Variants in DNM3 observed in about 807,000 individuals in gnomAD.
The protein encoded by DNM3 is dynamin-3.
In DNM3, 47 loss-of-function variants were observed where a neutral mutation model predicts 101.6. The ratio of observed to expected loss-of-function variants is 0.46; its 90% CI spans 0.37 to 0.59. The LOEUF (loss-of-function observed/expected upper bound fraction) is 0.59. Among genes scored for constraint, DNM3 ranks in the 20% least tolerant of loss-of-function variants. The pLI is 0.00. For synonymous variants in DNM3, 385 were observed against 387.9 expected (o/e 0.99, Z 0.09); for missense variants, 849 against 1,085.7 (o/e 0.78, Z 3.06).
At position 172,410,021 on chromosome 1, in the gene DNM3, T is replaced by C; in HGVS notation, c.*2180T>C. The stretch of plus-strand genomic sequence containing the variant: ...GGCATTTGTCATCTTTGGCACTTGC[T>C]TTTAGATTATAGTCCCACAGTTGCA... On this transcript the variant is annotated 3_prime_UTR_variant, in exon 21 of 21. Transcript: ENST00000627582. 1.0e-6 allele frequency: 1 copy of C among 985,736 alleles called. No homozygotes were observed. 61.1% of individuals were successfully genotyped at this position (985,736 alleles called of 1,614,324 possible).
intron 20 of DNM3, among the ~76,000 whole-genome samples, chr1:172,395,198 G>A (rs918599672): frequency 3.4e-5 from 5 of 146,272 alleles, no homozygotes; most frequent in South Asian, 2.2e-4. Flanking sequence ...TTTTTGAGGC[G>A]GAGTCTCTAT....
chr1:172,164,228 TTTTC>T (rs2058665507), intron 14 of DNM3, among the ~76,000 whole-genome samples: 1 of 99,766 alleles, frequency 1.0e-5, no homozygotes, highest in Non-Finnish European at 1.9e-5. Flanking sequence ...TTTTCTTTTC[TTTTC>T]TTTTTTTTTT....
At chr1:172,224,983 C>T in intron 14 of DNM3, among the ~76,000 whole-genome samples, 1 of 152,026 alleles carries the variant, frequency 6.6e-6, no homozygotes. Context: ...TCATTTCTTA[C>T]AAGTGGAAAC....
intron 2 of DNM3, among the ~76,000 whole-genome samples, chr1:171,980,126 T>A (rs2044678734): frequency 6.6e-6 from 1 of 150,522 alleles, no homozygotes; most frequent in Non-Finnish European, 1.5e-5. Context: ...CTCCCTGAGG[T>A]TAATTGTTTT....
At chr1:172,339,003 A>C (rs1558015573) in intron 17 of DNM3, 1 of 463,524 alleles carries the variant, frequency 2.2e-6, no homozygotes, top group Admixed American at 2.4e-5. Flanking sequence ...GTGTATTCAC[A>C]GTTTCTCTTG....
chr1:172,373,776 A>C (rs1271767227), intron 17 of DNM3, among the ~76,000 whole-genome samples: 1 of 152,190 alleles, frequency 6.6e-6, no homozygotes, highest in African/African-American at 2.4e-5. Context: ...AGAGAGAAGT[A>C]ACAAAAGAAA....
chr1:172,352,649 AT>A (rs2067250307), intron 17 of DNM3, among the ~76,000 whole-genome samples: 1 of 152,164 alleles, frequency 6.6e-6, no homozygotes, highest in Admixed American at 6.6e-5. Context: ...GGTTTTAGAA[AT>A]ACCAAGTGAC....
Position 172,326,800 on chromosome 1 carries a change from T to G in DNM3, c.1893+3460T>G, listed in dbSNP as rs7514652. On this transcript the variant is annotated intron_variant, in intron 17 of 20. Transcript: ENST00000627582. ...AACGATGTTGGTATAGATACACAAATGAAAACTAAAATGAATCCTAGATTC... is the reference window on the plus strand; with the variant it reads ...AACGATGTTGGTATAGATACACAAAGGAAAACTAAAATGAATCCTAGATTC... Among the ~76,000 whole-genome samples, 321 of 152,188 alleles carry G rather than the reference T, an allele frequency of 2.1e-3. 1 individual carries two copies. Among genetic ancestry groups the G allele is most frequent in the African/African-American group, 7.1e-3 (295 of 41,554 alleles).
At chr1:172,331,095 C>G (rs541089401) in intron 17 of DNM3, among the ~76,000 whole-genome samples, 61 of 152,262 alleles carry the variant, frequency 4.0e-4, no homozygotes, top group African/African-American at 1.5e-3. Context: ...CTATTGCTTT[C>G]AATAGTGTCT....
chr1:172,412,720 C>T (rs535338064), downstream of DNM3: 59 of 985,684 alleles, frequency 6.0e-5, no homozygotes, highest in Middle Eastern at 2.1e-3. Context: ...TTGAAGGACC[C>T]CTTTTCCTCA....
intron 15 of DNM3, among the ~76,000 whole-genome samples, chr1:172,265,683 G>A (rs547007700): frequency 6.6e-6 from 1 of 152,284 alleles, no homozygotes; most frequent in Non-Finnish European, 1.5e-5. Flanking sequence ...GAAATGCCAT[G>A]TTTTCTCTGA....
rs190132968 is a variant in DNM3 at position 172,064,005 on chromosome 1, A to G, written c.1336-4814A>G. ...GTATGACTATTTATCTGTATAGGCA[A>G]CCTGCCACTCAAGACTATGTGGTTT... On this transcript the variant is annotated intron_variant, in intron 10 of 20. Coordinates refer to ENST00000627582, the MANE Select transcript of DNM3 (RefSeq NM_015569.5). Among the ~76,000 whole-genome samples the G allele has an allele frequency of 6.0e-3, 915 of 152,226 alleles. 10 individuals are homozygous for G. The highest frequency in any genetic ancestry group is 0.021 in the African/African-American group (868 of 41,542).
intron 12 of DNM3, among the ~76,000 whole-genome samples, chr1:172,085,810 C>G (rs1290158914): frequency 6.6e-6 from 1 of 152,164 alleles, no homozygotes; most frequent in Non-Finnish European, 1.5e-5. Context: ...TTTCCCTTTA[C>G]ATTCTTAGTT....
intron 10 of DNM3, among the ~76,000 whole-genome samples, chr1:172,062,462 A>G (rs2125917297): frequency 6.6e-6 from 1 of 152,262 alleles, no homozygotes; most frequent in Non-Finnish European, 1.5e-5. Flanking sequence ...AGCATTTCAT[A>G]AATAACACTA....
chr1:172,297,416 A>G (rs2148834563), intron 15 of DNM3, among the ~76,000 whole-genome samples: 1 of 151,864 alleles, frequency 6.6e-6, no homozygotes, highest in Non-Finnish European at 1.5e-5. Flanking sequence ...CTTAATTAGG[A>G]TTGTAAGTGT....
At chr1:171,932,325 T>C (rs1571687505) in intron 2 of DNM3, among the ~76,000 whole-genome samples, 1 of 151,520 alleles carries the variant, frequency 6.6e-6, no homozygotes, top group African/African-American at 2.4e-5. Flanking sequence ...ATTTTTTTTT[T>C]GTAGAGATGG....
rs552681793 is a variant in DNM3, at chr1:172,194,753, G to T, written c.1660-58820G>T. ...ATCCCTTTATTTTGATCCTACGTGT[G>T]TCTCTGCATGTAAGATGAGTCTCCT... On this transcript the variant is annotated intron_variant, in intron 14 of 20. Coordinates refer to ENST00000627582, the MANE Select transcript of DNM3 (RefSeq NM_015569.5). Among the ~76,000 whole-genome samples the T allele has an allele frequency of 2.6e-5, 4 of 152,062 alleles. No individual in the cohort carries two copies. The South Asian group carries it at 8.3e-4, about 32-fold the overall frequency.
At chr1:172,330,046 T>C (rs1160702862) in intron 17 of DNM3, among the ~76,000 whole-genome samples, 1 of 152,214 alleles carries the variant, frequency 6.6e-6, no homozygotes, top group African/African-American at 2.4e-5. Flanking sequence ...ACTCTGCATG[T>C]AGCCTCCCTG....
chr1:172,100,735 C>T (rs1053351269), intron 13 of DNM3, among the ~76,000 whole-genome samples: 10 of 152,130 alleles, frequency 6.6e-5, no homozygotes, highest in Non-Finnish European at 1.0e-4. Context: ...GGGATAGAAT[C>T]GAGCACTATT....
Sources: gnomAD v4.1 joint callset for allele counts (sites outside exome capture counted in the v4.1 genomes callset) on GRCh38, gnomAD v4.1.1 for gene constraint, MANE v1.5 for transcripts, NCBI Gene and HGNC (gene_info 2026-07-23, HGNC 2026-07-21) for gene names.